Variants in CGNL1 observed in about 807,000 individuals in gnomAD.
CGNL1 encodes the protein cingulin like 1.
In CGNL1, 132 loss-of-function variants were observed where a neutral mutation model predicts 141.2. That is an observed-to-expected ratio of 0.93 (90% confidence interval 0.81 to 1.08). CGNL1 has a LOEUF of 1.08. Among genes scored for constraint, CGNL1 ranks in the 50% least tolerant of loss-of-function variants. The pLI is 0.00. For missense variants in CGNL1, 1,870 were observed against 1,588.6 expected (o/e 1.18, Z -3.01); for synonymous variants, 690 against 622.1 (o/e 1.11, Z -1.63).
At chr15:57,466,966 T>C (rs765911609) in intron 8 of CGNL1, among the ~76,000 whole-genome samples, 14 of 152,172 alleles carry the variant, frequency 9.2e-5, no homozygotes, top group Admixed American at 3.9e-4. Flanking sequence ...ACAGCAGTTA[T>C]GCAACAAATA....
chr15:57,482,146 A>T (rs2063734237), intron 8 of CGNL1, among the ~76,000 whole-genome samples: 1 of 151,638 alleles, frequency 6.6e-6, no homozygotes, highest in Admixed American at 6.6e-5. Context: ...AGTTTTCAAA[A>T]TTTTTTATGT....
intron 1 of CGNL1, among the ~76,000 whole-genome samples, chr15:57,415,954 G>A (rs1055456205): frequency 6.6e-6 from 1 of 152,154 alleles, no homozygotes; most frequent in South Asian, 2.1e-4. Flanking sequence ...TCCCTTTGCC[G>A]GCCGTGGGAT....
At chr15:57,530,359 A>G (rs566343606) in intron 13 of CGNL1, among the ~76,000 whole-genome samples, 10 of 152,350 alleles carry the variant, frequency 6.6e-5, no homozygotes, top group South Asian at 6.2e-4. Context: ...TACAAAATGA[A>G]TGGCTCTGAA....
rs569132898 is a variant in CGNL1, at chr15:57,549,206, C to G, written c.*1716C>G. ...CAATGTGACAGTCCCCAGGCATGCC[C>G]ACAGGCCAGGCCCAGTCACAGCTGG... On this transcript the variant is annotated 3_prime_UTR_variant, in exon 19 of 19. Transcript: ENST00000281282. The G allele has an allele frequency of 6.6e-6, 1 of 152,338 alleles. No individual in the cohort carries two copies. The highest frequency in any genetic ancestry group is 1.5e-5 in the Non-Finnish European group (1 of 68,152). The allele number at this position is 152,338 out of a possible 1,614,324, so 9.4% of individuals were successfully genotyped here. A position where few individuals can be genotyped will look rare whatever the true frequency, so the allele number is the denominator to read the frequency against.
At chr15:57,450,737 T>C (rs2063312171) in intron 4 of CGNL1, among the ~76,000 whole-genome samples, 1 of 152,230 alleles carries the variant, frequency 6.6e-6, no homozygotes. Context: ...TTGCTTGCTT[T>C]TCAGTGCCTG....
At chr15:57,418,870 A>G (rs1333638127) in intron 1 of CGNL1, among the ~76,000 whole-genome samples, 1 of 151,416 alleles carries the variant, frequency 6.6e-6, no homozygotes, top group African/African-American at 2.4e-5. Flanking sequence ...GTGAGTCGGG[A>G]GTTGGACATG....
At chr15:57,470,531 C>T (rs1156305745) in intron 8 of CGNL1, among the ~76,000 whole-genome samples, 7 of 152,086 alleles carry the variant, frequency 4.6e-5, no homozygotes, top group African/African-American at 1.4e-4. Context: ...ATAAACAGAG[C>T]ATCTCTGCAA....
intron 1 of CGNL1, among the ~76,000 whole-genome samples, chr15:57,414,825 C>T (rs1440721528): frequency 6.6e-6 from 1 of 152,170 alleles, no homozygotes; most frequent in East Asian, 1.9e-4. Flanking sequence ...AGACTTGATC[C>T]ATGATTCCAG....
chr15:57,534,138 C>G (rs149631107), intron 14 of CGNL1, among the ~76,000 whole-genome samples: 27 of 152,320 alleles, frequency 1.8e-4, no homozygotes, highest in Admixed American at 3.3e-4. Context: ...TTACTTTCCC[C>G]CAATTCTCTC....
chr15:57,407,744 T>C (rs1274123660), intron 1 of CGNL1, among the ~76,000 whole-genome samples: 7 of 144,862 alleles, frequency 4.8e-5, no homozygotes, highest in African/African-American at 1.8e-4. Flanking sequence ...AAAATTATTC[T>C]CAATTTTTTT....
intron 1 of CGNL1, among the ~76,000 whole-genome samples, chr15:57,421,833 G>A (rs1239205489): frequency 6.6e-6 from 1 of 152,122 alleles, no homozygotes; most frequent in Non-Finnish European, 1.5e-5. Context: ...CAGCAGCAGG[G>A]TCCTGCCTGA....
chr15:57,395,859 TAAA>T (rs1292748555), intron 1 of CGNL1, among the ~76,000 whole-genome samples: 2 of 130,646 alleles, frequency 1.5e-5, no homozygotes, highest in Admixed American at 1.5e-4. Flanking sequence ...CGAACCAAGT[TAAA>T]AAACATTTTT....
chr15:57,413,238 C>CCTCT (rs2062812666), intron 1 of CGNL1, among the ~76,000 whole-genome samples: 2 of 143,986 alleles, frequency 1.4e-5, no homozygotes, highest in Admixed American at 1.4e-4. Flanking sequence ...TCCCTCCCTC[C>CCTCT]CTCCCTTCTT....
At chr15:57,424,705 A>T (rs1393038943) in intron 1 of CGNL1, among the ~76,000 whole-genome samples, 1 of 152,222 alleles carries the variant, frequency 6.6e-6, no homozygotes, top group Non-Finnish European at 1.5e-5. Flanking sequence ...ACACCCCATG[A>T]AGACCCAACA....
chr15:57,473,378 T>G (rs2063607489), intron 8 of CGNL1, among the ~76,000 whole-genome samples: 1 of 152,178 alleles, frequency 6.6e-6, no homozygotes, highest in Non-Finnish European at 1.5e-5. Flanking sequence ...ATGGAATATG[T>G]CATAAACTCT....
chr15:57,485,043 A>G (rs1305685126), intron 8 of CGNL1, among the ~76,000 whole-genome samples: 1 of 151,026 alleles, frequency 6.6e-6, no homozygotes, highest in Non-Finnish European at 1.5e-5. Flanking sequence ...TTCTTGAGGT[A>G]GGAGCTTCGA....
At chr15:57,475,283 C>A (rs1363195424) in intron 8 of CGNL1, among the ~76,000 whole-genome samples, 1 of 152,216 alleles carries the variant, frequency 6.6e-6, no homozygotes, top group Non-Finnish European at 1.5e-5. Context: ...TCACTGTTGT[C>A]CCTGGTGAGC....
chr15:57,484,689 A>G (rs2063765525), intron 8 of CGNL1, among the ~76,000 whole-genome samples: 1 of 151,970 alleles, frequency 6.6e-6, no homozygotes, highest in African/African-American at 2.4e-5. Context: ...TGCATTAGGT[A>G]TTTCTTCTAA....
intron 1 of CGNL1, among the ~76,000 whole-genome samples, chr15:57,420,889 T>C (rs2062906858): frequency 6.6e-6 from 1 of 152,218 alleles, no homozygotes; most frequent in African/African-American, 2.4e-5. Flanking sequence ...TGCTGGATGA[T>C]GATATTGTAC....
Sources: allele counts gnomAD v4.1 joint callset (sites outside exome capture counted in the v4.1 genomes callset), GRCh38; gene constraint gnomAD v4.1.1; transcripts MANE v1.5; gene names NCBI Gene and HGNC (gene_info 2026-07-23, HGNC 2026-07-21).